AFF3: variants seen among roughly 807,000 people sequenced by gnomAD.
AFF3 encodes the protein ALF transcription elongation factor 3.
Under a neutral mutation model 129.7 loss-of-function variants are expected in AFF3, and 32 were observed. That is an observed-to-expected ratio of 0.25 (90% CI 0.19 to 0.33). The LOEUF (loss-of-function observed/expected upper bound fraction) is 0.33. Ranked by LOEUF, AFF3 falls within the 10% of genes least tolerant of loss-of-function variation. The pLI is 1.00. For synonymous variants in AFF3, 644 were observed against 635.4 expected, an observed-to-expected ratio of 1.01 and a Z score of -0.20; for missense variants, 1,373 against 1,592.0, an observed-to-expected ratio of 0.86 and a Z score of 2.34.
chr2:100,094,496 A>T (rs1017424146), intron 4 of AFF3, among the ~76,000 whole-genome samples: 3 of 152,058 alleles, frequency 2.0e-5, no homozygotes, highest in Non-Finnish European at 4.4e-5. Flanking sequence ...ATCAGGCAGT[A>T]ATGTTAGCAA....
At chr2:99,788,376 A>G (rs1280097381) in intron 8 of AFF3, among the ~76,000 whole-genome samples, 1 of 152,162 alleles carries the variant, frequency 6.6e-6, no homozygotes, top group Non-Finnish European at 1.5e-5. Flanking sequence ...CAAGATGTGG[A>G]GGTGGAGGGC....
intron 4 of AFF3, among the ~76,000 whole-genome samples, chr2:100,067,243 C>T (rs1055954849): frequency 1.3e-5 from 2 of 151,010 alleles, no homozygotes; most frequent in African/African-American, 4.9e-5. Flanking sequence ...TAATCCTAAA[C>T]CCCTTTCGTC....
chr2:99,560,458 G>A, intron 20 of AFF3, 22 bp from the exon 21 acceptor site: 1 of 1,603,336 alleles, frequency 6.2e-7, no homozygotes, highest in Non-Finnish European at 8.5e-7. Flanking sequence ...CGGGGAGGAG[G>A]AATAGAATAA....
At chr2:99,999,044 C>T (rs892355246) in intron 7 of AFF3, among the ~76,000 whole-genome samples, 6 of 152,190 alleles carry the variant, frequency 3.9e-5, no homozygotes, top group Admixed American at 2.6e-4. Flanking sequence ...GGAGCACACG[C>T]ACAGCACACC....
intron 4 of AFF3, among the ~76,000 whole-genome samples, chr2:100,082,065 T>C (rs1689083921): frequency 6.6e-6 from 1 of 152,254 alleles, no homozygotes; most frequent in Non-Finnish European, 1.5e-5. Context: ...TTTTAATACC[T>C]GGTTTCTTGA....
chr2:99,766,612 T>C (rs1683042391), intron 8 of AFF3, among the ~76,000 whole-genome samples: 1 of 152,088 alleles, frequency 6.6e-6, no homozygotes, highest in African/African-American at 2.4e-5. Flanking sequence ...AGAAGGAAAA[T>C]ATTAAAACAT....
Position 99,662,503 on chromosome 2 carries a change from G to A in AFF3, c.1143+10035C>T, listed in dbSNP as rs1043636400. ...GTCCATTGGGGCAAGGGATTTCCTG[G>A]CATTGAAAATTTACTCAAAATATCT... On this transcript the variant is annotated intron_variant, in intron 12 of 24. Coordinates refer to ENST00000672756, the MANE Select transcript of AFF3 (RefSeq NM_001386135.1). Among the ~76,000 whole-genome samples the A allele has an allele frequency of 8.5e-5, 13 of 152,170 alleles. No homozygotes were observed. In the South Asian group the frequency reaches 2.5e-3, roughly 29 times the overall value.
At position 99,633,900 on chromosome 2, in the gene AFF3, TCTTC is replaced by T. The variant is rs1290105497; in HGVS notation, c.1184+15722_1184+15725del. Among the ~76,000 whole-genome samples, 68 of 150,286 alleles carry T rather than the reference TCTTC, an allele frequency of 4.5e-4. 1 individual carries two copies. Among genetic ancestry groups the T allele is most frequent in the Middle Eastern group, 3.5e-3 (1 of 284 alleles). ...AACTGTGAGCCAAATAAACCTCTTTTCTTCCTTCCTTTTTTTTTTTTTTTTTTTT... is the reference window on the plus strand; with the variant it reads ...AACTGTGAGCCAAATAAACCTCTTTTCTTCCTTTTTTTTTTTTTTTTTTTT... On this transcript the variant is annotated intron_variant, in intron 13 of 24. Transcript: ENST00000672756.
intron 7 of AFF3, among the ~76,000 whole-genome samples, chr2:99,991,199 AT>A (rs1680307469): frequency 6.6e-6 from 1 of 152,132 alleles, no homozygotes; most frequent in South Asian, 2.1e-4. Context: ...GACTAAAGAA[AT>A]TTCTGGAGGG....
At chr2:99,689,292 G>A (rs962235226) in intron 11 of AFF3, among the ~76,000 whole-genome samples, 3 of 152,122 alleles carry the variant, frequency 2.0e-5, no homozygotes, top group African/African-American at 4.8e-5. Context: ...GCTGACTGCA[G>A]CTGCTGCCTG....
intron 4 of AFF3, among the ~76,000 whole-genome samples, chr2:100,041,605 T>C (rs1036502157): frequency 1.3e-5 from 2 of 152,176 alleles, no homozygotes; most frequent in Non-Finnish European, 2.9e-5. Context: ...TATTTTGACA[T>C]GTAGCCACAG....
intron 11 of AFF3, among the ~76,000 whole-genome samples, chr2:99,714,550 A>T (rs1172406375): frequency 6.6e-6 from 1 of 151,374 alleles, no homozygotes; most frequent in African/African-American, 2.4e-5. Context: ...GTGGACGGAC[A>T]CCTCATAGAC....
chr2:100,131,972 G>A (rs972393568), intron 1 of AFF3, among the ~76,000 whole-genome samples: 11 of 152,116 alleles, frequency 7.2e-5, no homozygotes, highest in African/African-American at 2.7e-4. Flanking sequence ...TGCCTGCCTT[G>A]AGGGGTACAT....
intron 7 of AFF3, among the ~76,000 whole-genome samples, chr2:100,002,576 G>A (rs1173949449): frequency 5.9e-5 from 9 of 152,068 alleles, no homozygotes; most frequent in East Asian, 1.9e-4. Flanking sequence ...CAACCACTAC[G>A]AAAACATCTA....
At chr2:99,583,056 A>G in intron 16 of AFF3, 57 bp from the exon 17 acceptor site, 3 of 1,540,538 alleles carry the variant, frequency 1.9e-6, no homozygotes, top group Non-Finnish European at 2.7e-6. Context: ...GGAAAGGTAA[A>G]TGTTTTCATA....
chr2:99,673,275 A>G (rs1018004823), intron 11 of AFF3, among the ~76,000 whole-genome samples: 3 of 152,108 alleles, frequency 2.0e-5, no homozygotes, highest in African/African-American at 7.2e-5. Flanking sequence ...GCTGGAAAAG[A>G]TGTTGTCCCC....
chr2:99,787,453 C>T (rs972824638), intron 8 of AFF3, among the ~76,000 whole-genome samples: 1 of 152,192 alleles, frequency 6.6e-6, no homozygotes, highest in East Asian at 1.9e-4. Context: ...CTGAGAAAGC[C>T]TCACGGTTTG....
At chr2:99,594,322 T>A in intron 14 of AFF3, 33 bp from the exon 15 acceptor site, 3 of 1,574,600 alleles carry the variant, frequency 1.9e-6, no homozygotes, top group Non-Finnish European at 2.6e-6. Context: ...AAACAAAACA[T>A]CTTTCATTAC....
chr2:99,549,235 T>C lies in AFF3; in HGVS notation c.*2239A>G. 4.8e-6 allele frequency: 1 copy of C among 207,920 alleles called. No individual in the cohort carries two copies. Among genetic ancestry groups the C allele is most frequent in the Non-Finnish European group, 9.8e-6 (1 of 102,046 alleles). 12.9% of individuals were successfully genotyped at this position (207,920 alleles called of 1,614,324 possible). ...AGTCCTCCAAAAAAATGACTCAAAA[T>C]TTCTTAAGTTAGGTTCAAGTTTCTG... On this transcript the variant is annotated 3_prime_UTR_variant, in exon 25 of 25. Coordinates refer to ENST00000672756, the MANE Select transcript of AFF3 (RefSeq NM_001386135.1).
Sources: gnomAD v4.1 joint callset for allele counts (sites outside exome capture counted in the v4.1 genomes callset) on GRCh38, gnomAD v4.1.1 for gene constraint, MANE v1.5 for transcripts, NCBI Gene and HGNC (gene_info 2026-07-23, HGNC 2026-07-21) for gene names.